Variants in GLIS1 observed in about 807,000 individuals in gnomAD.
GLIS1 encodes the protein GLIS family zinc finger 1.
GLIS1 carries 24 observed loss-of-function variants against 63.8 expected under a neutral mutation model. The observed-to-expected ratio is 0.38, with a 90% confidence interval of 0.27 to 0.53. The LOEUF (loss-of-function observed/expected upper bound fraction) is 0.53. Among genes scored for constraint, GLIS1 ranks in the 20% least tolerant of loss-of-function variants. The pLI is 0.85. For synonymous variants in GLIS1, 450 were observed against 482.5 expected, an observed-to-expected ratio of 0.93 and a Z score of 0.88; for missense variants, 1,036 against 1,074.1, an observed-to-expected ratio of 0.96 and a Z score of 0.50.
intron 2 of GLIS1, among the ~76,000 whole-genome samples, chr1:53,684,409 C>T (rs1470793217): frequency 2.6e-5 from 4 of 152,158 alleles, no homozygotes; most frequent in Non-Finnish European, 5.9e-5. Flanking sequence ...CCTCTGACTC[C>T]TGGGCTTTTT....
intron 2 of GLIS1, among the ~76,000 whole-genome samples, chr1:53,713,676 C>T (rs113009731): frequency 2.0e-5 from 3 of 152,326 alleles, no homozygotes; most frequent in Non-Finnish European, 2.9e-5. Context: ...GTGGAAGGAT[C>T]GCTTGAGCCC....
chr1:53,638,065 C>A (rs1310792702), intron 2 of GLIS1, among the ~76,000 whole-genome samples: 1 of 152,208 alleles, frequency 6.6e-6, no homozygotes, highest in African/African-American at 2.4e-5. Flanking sequence ...AGTATCCCAT[C>A]TGGGTTTAGA....
intron 9 of GLIS1, among the ~76,000 whole-genome samples, 161 bp downstream of exon 9, chr1:53,509,688 T>G (rs1172567814): frequency 6.6e-6 from 1 of 152,188 alleles, no homozygotes; most frequent in African/African-American, 2.4e-5. Flanking sequence ...CAGCTGGGCC[T>G]CTTATGTCCC....
chr1:53,608,490 T>C (rs1020241700), intron 2 of GLIS1, among the ~76,000 whole-genome samples: 2 of 152,224 alleles, frequency 1.3e-5, no homozygotes, highest in Non-Finnish European at 2.9e-5. Context: ...TTCCTATATC[T>C]AGCTATGGAG....
intron 2 of GLIS1, among the ~76,000 whole-genome samples, chr1:53,683,222 C>A (rs79353038): frequency 0.011 from 1,705 of 152,294 alleles, 24 homozygotes; most frequent in African/African-American, 0.039. Context: ...ACCATGAACA[C>A]CTCCTGAACA....
intron 4 of GLIS1, among the ~76,000 whole-genome samples, chr1:53,533,497 G>A (rs995655168): frequency 2.6e-5 from 4 of 152,204 alleles, no homozygotes; most frequent in Admixed American, 6.5e-5. Context: ...TCTGCTCCCC[G>A]CCCCCTGGAA....
In GLIS1 at chr1:53,575,198, G is replaced by A. The variant is rs189989551; in HGVS notation, c.1320+18910C>T. On this transcript the variant is annotated intron_variant, in intron 4 of 10. Coordinates refer to ENST00000628545, the MANE Select transcript of GLIS1 (RefSeq NM_001367484.1). Reference sequence around the variant, plus strand: ...GAGCACAGATTGCAATTAACATCCCGGCTGCCTATGGGCGCTGGCCCTCAC... The same window carrying A: ...GAGCACAGATTGCAATTAACATCCCAGCTGCCTATGGGCGCTGGCCCTCAC... Among the ~76,000 whole-genome samples, 26 of 152,170 alleles carry A rather than the reference G, an allele frequency of 1.7e-4. No homozygotes were observed. In the East Asian group the frequency reaches 4.3e-3, roughly 25 times the overall value.
intron 2 of GLIS1, among the ~76,000 whole-genome samples, chr1:53,713,957 A>C (rs1646671841): frequency 6.6e-6 from 1 of 152,204 alleles, no homozygotes; most frequent in African/African-American, 2.4e-5. Flanking sequence ...TGAGGGCCTC[A>C]CCTGTGCCCC....
intron 4 of GLIS1, among the ~76,000 whole-genome samples, chr1:53,592,372 C>T (rs1401755602): frequency 6.6e-6 from 1 of 152,336 alleles, no homozygotes; most frequent in Non-Finnish European, 1.5e-5. Context: ...AAGCCAGTGT[C>T]CTGTGGAGTC....
At chr1:53,556,924 A>G (rs1228592922) in intron 4 of GLIS1, among the ~76,000 whole-genome samples, 1 of 145,280 alleles carries the variant, frequency 6.9e-6, no homozygotes, top group Non-Finnish European at 1.5e-5. Context: ...GTGTGTGTGC[A>G]GGTGTACTGC....
intron 3 of GLIS1, 52 bp downstream of exon 3, chr1:53,600,049 T>C (rs1645300254): frequency 9.5e-7 from 1 of 1,051,994 alleles, no homozygotes; most frequent in Non-Finnish European, 1.2e-6. Context: ...CTGAGGCCCA[T>C]GGTCCTGGGG....
intron 4 of GLIS1, among the ~76,000 whole-genome samples, chr1:53,541,909 C>T (rs1644647315): frequency 6.6e-6 from 1 of 152,232 alleles, no homozygotes; most frequent in Non-Finnish European, 1.5e-5. Flanking sequence ...AGGAAGGTGC[C>T]TGGTGCACAG....
rs1557500337 is a variant in GLIS1, at chr1:53,646,950, G to GGGAAGGGAA, written c.260-46681_260-46673dup. On this transcript the variant is annotated intron_variant, in intron 2 of 10. Coordinates refer to ENST00000628545, the MANE Select transcript of GLIS1 (RefSeq NM_001367484.1). The surrounding 1 kb of genome is among the most constrained non-coding windows in gnomAD (Gnocchi z 4.2). ...GAAGGAAAGAAGGAAGGAAAGGGAA[G>GGGAAGGGAA]GGAAGGGAAGGAAAGGAAGGAAAGG... 6.8e-6 allele frequency among the ~76,000 whole-genome samples: 1 copy of GGGAAGGGAA among 146,034 alleles called. No individual in the cohort carries two copies. The highest frequency in any genetic ancestry group is 1.5e-5 in the Non-Finnish European group (1 of 66,394).
intron 2 of GLIS1, among the ~76,000 whole-genome samples, chr1:53,600,757 C>T (rs987650709): frequency 2.6e-5 from 4 of 152,194 alleles, no homozygotes; most frequent in African/African-American, 4.8e-5. Context: ...TCAAGGAGTA[C>T]GTGCTCACTA....
intron 2 of GLIS1, among the ~76,000 whole-genome samples, chr1:53,606,573 CTCG>C (rs1645371427): frequency 2.6e-5 from 4 of 152,190 alleles, no homozygotes; most frequent in African/African-American, 7.2e-5. Flanking sequence ...TCTGGGCTGC[CTCG>C]TCACTCCCTC....
chr1:53,721,654 A>G (rs1646756651), intron 2 of GLIS1, among the ~76,000 whole-genome samples: 1 of 152,192 alleles, frequency 6.6e-6, no homozygotes, highest in African/African-American at 2.4e-5. Flanking sequence ...GCCTTATTTT[A>G]TTAGGTGATT....
At chr1:53,605,042 C>CT (rs71044480) in intron 2 of GLIS1, among the ~76,000 whole-genome samples, 122,010 of 151,480 alleles carry the variant, frequency 0.81, 53,882 homozygotes, top group Non-Finnish European at 0.99. Flanking sequence ...GGCTGTTAAT[C>CT]GCCAACCCCC....
At chr1:53,602,235 G>A (rs1409451160) in intron 2 of GLIS1, among the ~76,000 whole-genome samples, 3 of 152,064 alleles carry the variant, frequency 2.0e-5, no homozygotes, top group Non-Finnish European at 4.4e-5. Flanking sequence ...TGAATGGCCC[G>A]AGTTAATGAG....
intron 2 of GLIS1, among the ~76,000 whole-genome samples, chr1:53,634,211 C>G (rs1178947073): frequency 6.6e-6 from 1 of 152,152 alleles, no homozygotes; most frequent in Non-Finnish European, 1.5e-5. Flanking sequence ...AATGGAAATG[C>G]TGAACAGTGT....
Sources: gnomAD v4.1 joint callset for allele counts (sites outside exome capture counted in the v4.1 genomes callset) on GRCh38, gnomAD v4.1.1 for gene constraint, Gnocchi (gnomAD v3.1) non-coding constraint, MANE v1.5 for transcripts, NCBI Gene and HGNC (gene_info 2026-07-23, HGNC 2026-07-21) for gene names.